The following ANGPT4 variants were observed in gnomAD, a reference collection of about 807,000 sequenced individuals.
ANGPT4 encodes the protein angiopoietin 4.
A neutral mutation model predicts 53.0 loss-of-function variants in ANGPT4; 50 were observed. The ratio of observed to expected loss-of-function variants is 0.94; its 90% CI spans 0.75 to 1.20. ANGPT4 has a LOEUF of 1.20. Ranked by LOEUF, ANGPT4 falls within the 50% of genes most tolerant of loss-of-function variation. The probability of loss-of-function intolerance (pLI) is 0.00; values close to 1 mark genes in which losing one functional copy is unlikely to be tolerated. For missense variants in ANGPT4, 648 were observed against 637.1 expected, an observed-to-expected ratio of 1.02 and a Z score of -0.18; for synonymous variants, 251 against 259.7, an observed-to-expected ratio of 0.97 and a Z score of 0.32.
chr20:913,311 C>T (rs2122142181), intron 1 of ANGPT4, among the ~76,000 whole-genome samples: 1 of 152,322 alleles, frequency 6.6e-6, no homozygotes, highest in Admixed American at 6.5e-5. Context: ...CAGAAGGTAG[C>T]AAGCACTCCC....
chr20:900,981 CCTT>C (rs1400482056), intron 1 of ANGPT4, among the ~76,000 whole-genome samples: 1 of 152,152 alleles, frequency 6.6e-6, no homozygotes, highest in Non-Finnish European at 1.5e-5. Context: ...GACAAATGCT[CCTT>C]CTAACAACCC....
rs143396584 is a variant in ANGPT4, at chr20:893,632, C to T, written c.310-3264G>A. Among the ~76,000 whole-genome samples the T allele has an allele frequency of 2.6e-5, 4 of 152,212 alleles. 1 individual carries two copies. The highest frequency in any genetic ancestry group is 2.9e-5 in the Non-Finnish European group (2 of 68,014). On this transcript the variant is annotated intron_variant, in intron 1 of 8. Coordinates refer to ENST00000381922, the MANE Select transcript of ANGPT4 (RefSeq NM_015985.4). The stretch of plus-strand genomic sequence containing the variant: ...TTCTCCCCTGCATGTCCCCAACTCG[C>T]CATCTCTGCATGGTTTCCAATGAGC...
At chr20:912,307 T>A (rs1982734621) in intron 1 of ANGPT4, among the ~76,000 whole-genome samples, 1 of 152,054 alleles carries the variant, frequency 6.6e-6, no homozygotes, top group Non-Finnish European at 1.5e-5. Flanking sequence ...AGGTCAGGGG[T>A]AGGTGCTGTC....
intron 1 of ANGPT4, among the ~76,000 whole-genome samples, chr20:896,525 G>A (rs1284588438): frequency 6.6e-6 from 1 of 152,178 alleles, no homozygotes; most frequent in African/African-American, 2.4e-5. Flanking sequence ...GGTATTTGAG[G>A]ATCAAAATGA....
At chr20:881,407 A>G (rs1981401559) in intron 4 of ANGPT4, 121 bp from the exon 5 acceptor site, 1 of 812,584 alleles carries the variant, frequency 1.2e-6, no homozygotes, top group African/African-American at 1.7e-5. Context: ...GGACAGGGAG[A>G]TGAGTCAGAC....
In ANGPT4 at chr20:888,396, G is replaced by C; in HGVS notation, c.509C>G (p.Thr170Ser). Residue 170 changes from threonine to serine, a missense_variant, in exon 3 of 9, where the codon ACC (threonine) becomes AGC (serine). Thr to Ser is a moderately conservative substitution (Grantham distance 58, BLOSUM62 1). Transcript: ENST00000381922. ...TSRMDAQMPE[T>S]FLSTNKLENQ... Reference sequence around the variant, plus strand: ...CTCCAGCTTGTTGGTGGACAGAAAGGTCTCTGGCATCTGGGCATCCATTCT... The same window carrying C: ...CTCCAGCTTGTTGGTGGACAGAAAGCTCTCTGGCATCTGGGCATCCATTCT... The C allele has an allele frequency of 6.2e-7, 1 of 1,613,730 alleles. No individual in the cohort carries two copies. The highest frequency in any genetic ancestry group is 2.2e-5 in the East Asian group (1 of 44,864).
chr20:888,207 G>A (rs771258302), intron 3 of ANGPT4, 111 bp downstream of exon 3: 15 of 1,414,356 alleles, frequency 1.1e-5, no homozygotes, highest in African/African-American at 1.5e-5. Flanking sequence ...TCCAGCTTCC[G>A]GTCCTGGCTC....
At chr20:899,310 C>A (rs528319110) in intron 1 of ANGPT4, among the ~76,000 whole-genome samples, 2 of 151,714 alleles carry the variant, frequency 1.3e-5, no homozygotes, top group Non-Finnish European at 2.9e-5. Context: ...TGCAGTGGCG[C>A]GATCTCGGCT....
chr20:900,743 T>C (rs1315307558), intron 1 of ANGPT4, among the ~76,000 whole-genome samples: 1 of 152,176 alleles, frequency 6.6e-6, no homozygotes, highest in East Asian at 1.9e-4. Context: ...TCTGGCCTGG[T>C]ATATGACAAC....
chr20:885,034 C>T (rs908210500), intron 4 of ANGPT4, 44 bp downstream of exon 4: 1 of 1,610,400 alleles, frequency 6.2e-7, no homozygotes, highest in Non-Finnish European at 8.5e-7. Flanking sequence ...CCTCCCCTCT[C>T]CTGCCCGTCT....
chr20:909,825 A>C (rs1319447573), intron 1 of ANGPT4, among the ~76,000 whole-genome samples: 1 of 152,226 alleles, frequency 6.6e-6, no homozygotes, highest in Non-Finnish European at 1.5e-5. Context: ...TGGGCCAAGA[A>C]TGGGGTGTGT....
chr20:904,771 C>T (rs6055747), intron 1 of ANGPT4, among the ~76,000 whole-genome samples: 11,351 of 152,234 alleles, frequency 0.075, 524 homozygotes, highest in African/African-American at 0.13. Context: ...GGACTATAGG[C>T]ATGTGCCACC....
At position 915,931 on chromosome 20, in the gene ANGPT4, T is replaced by A. The variant is rs116327782; in HGVS notation, c.284A>T (p.Gln95Leu). The change falls in exon 1 of 9, where the codon CAG becomes CTG. Residue 95 changes from glutamine (Q) to leucine (L), a missense_variant. Physicochemically the swap from Gln to Leu is moderately radical, Grantham distance 113 (BLOSUM62 -2). Transcript: ENST00000381922. ...CTTCTTCAGCCACTGCGTGTTGTTC[T>A]GCAGTGCCTGCTCCAGCTGTTTCAC... is the stretch of plus-strand genomic sequence containing the variant. ...QQVKQLEQAL[Q>L]NNTQWLKKLE... The A allele has an allele frequency of 6.3e-7, 1 of 1,595,548 alleles. No homozygotes were observed. The highest frequency in any genetic ancestry group is 1.3e-5 in the African/African-American group (1 of 74,660).
intron 1 of ANGPT4, among the ~76,000 whole-genome samples, chr20:909,162 A>C (rs1982603041): frequency 6.6e-6 from 1 of 152,206 alleles, no homozygotes; most frequent in Non-Finnish European, 1.5e-5. Flanking sequence ...GGATCATAAC[A>C]GTCCCCACCT....
intron 3 of ANGPT4, among the ~76,000 whole-genome samples, chr20:888,033 A>G (rs931979128): frequency 7.9e-5 from 12 of 151,862 alleles, no homozygotes; most frequent in African/African-American, 2.9e-4. Flanking sequence ...ATCCACTCTC[A>G]TTTCCAGCCT....
intron 7 of ANGPT4, among the ~76,000 whole-genome samples, chr20:875,856 A>T (rs1374091099): frequency 6.6e-6 from 1 of 152,112 alleles, no homozygotes; most frequent in Non-Finnish European, 1.5e-5. Flanking sequence ...GAGGCTGGGT[A>T]GGGTGGCTCA....
intron 7 of ANGPT4, 149 bp from the exon 8 acceptor site, chr20:874,563 T>C: frequency 8.6e-7 from 1 of 1,157,080 alleles, no homozygotes; most frequent in East Asian, 2.6e-5. Flanking sequence ...GGTGGAGTGC[T>C]TGGGCTGTTT....
rs764259122 is a variant in ANGPT4 at position 872,923 on chromosome 20, T to C, written c.*37A>G. The C allele has an allele frequency of 6.2e-7, 1 of 1,611,186 alleles. No homozygotes were observed. The highest frequency in any genetic ancestry group is 1.1e-5 in the South Asian group (1 of 91,014). On this transcript the variant is annotated 3_prime_UTR_variant, in exon 9 of 9. Transcript: ENST00000381922. ...TTGTCCAGGAGTGCCAAGTCCGAGC[T>C]TCTCCTGTGTGGTCCAGCCTCTGGC...
intron 1 of ANGPT4, among the ~76,000 whole-genome samples, chr20:905,784 G>A (rs1316584508): frequency 6.6e-6 from 1 of 152,222 alleles, no homozygotes; most frequent in Admixed American, 6.5e-5. Flanking sequence ...GAACAGGCCA[G>A]GCTCTGCACT....
Sources: allele counts gnomAD v4.1 joint callset (sites outside exome capture counted in the v4.1 genomes callset), GRCh38; gene constraint gnomAD v4.1.1; transcripts MANE v1.5; gene names NCBI Gene and HGNC (gene_info 2026-07-23, HGNC 2026-07-21).